Variants in RHOA observed in about 807,000 individuals in gnomAD.
The protein encoded by RHOA is ras homolog family member A.
RHOA carries 3 observed loss-of-function variants against 17.5 expected under a neutral mutation model. The observed-to-expected ratio is 0.17, with a 90% CI of 0.08 to 0.44. The LOEUF is 0.44. Ranked by LOEUF, RHOA falls within the 20% of genes least tolerant of loss-of-function variation. The probability of loss-of-function intolerance (pLI) is 0.99; values close to 1 mark genes in which losing one functional copy is unlikely to be tolerated. For missense variants in RHOA, 56 were observed against 242.3 expected, an observed-to-expected ratio of 0.23 and a Z score of 5.10; for synonymous variants, 98 against 88.4, an observed-to-expected ratio of 1.11 and a Z score of -0.61.
intron 3 of RHOA, among the ~76,000 whole-genome samples, chr3:49,366,230 A>C (rs919986063): frequency 1.3e-5 from 2 of 152,042 alleles, no homozygotes; most frequent in African/African-American, 4.8e-5. Context: ...ACTAGCTCAA[A>C]TTTTCTCTGT....
intron 1 of RHOA, among the ~76,000 whole-genome samples, chr3:49,378,707 G>C (rs148863734): frequency 6.6e-6 from 1 of 151,942 alleles, no homozygotes; most frequent in Non-Finnish European, 1.5e-5. Context: ...CAACTCAAGC[G>C]ATCCTCCCAC....
intron 1 of RHOA, among the ~76,000 whole-genome samples, chr3:49,394,398 T>A (rs554196708): frequency 6.6e-6 from 1 of 152,104 alleles, no homozygotes; most frequent in Non-Finnish European, 1.5e-5. Context: ...TTGCCCAGGC[T>A]GAAGTGCAGT....
chr3:49,370,180 G>A (rs1233937553), intron 2 of RHOA, among the ~76,000 whole-genome samples: 1 of 152,138 alleles, frequency 6.6e-6, no homozygotes, highest in Non-Finnish European at 1.5e-5. Flanking sequence ...CCGGGAGGCG[G>A]AGGTTGCAGT....
intron 1 of RHOA, among the ~76,000 whole-genome samples, chr3:49,386,171 GT>G (rs1437071251): frequency 7.2e-5 from 11 of 152,144 alleles, no homozygotes; most frequent in Non-Finnish European, 1.2e-4. Flanking sequence ...GGGGAGTACT[GT>G]CATCTTTACA....
chr3:49,371,599 T>TAAATGA (rs2048148409), intron 2 of RHOA, among the ~76,000 whole-genome samples: 1 of 152,172 alleles, frequency 6.6e-6, no homozygotes, highest in Non-Finnish European at 1.5e-5. Context: ...TGCATACTGT[T>TAAATGA]AAATGAATAT....
chr3:49,360,462 A>T, intron 4 of RHOA, 80 bp from the exon 5 acceptor site: 3 of 1,445,166 alleles, frequency 2.1e-6, no homozygotes, highest in Non-Finnish European at 2.8e-6. Context: ...AAATTCATCT[A>T]AAAGATTTTT....
chr3:49,411,843 G>A lies in RHOA; in HGVS notation c.-26C>T, dbSNP rs2048944459. The A allele has an allele frequency of 6.6e-6, 1 of 152,170 alleles. No homozygotes were observed. 9.4% of individuals were successfully genotyped at this position (152,170 alleles called of 1,614,324 possible). A position where few individuals can be genotyped will look rare whatever the true frequency, so the allele number is the denominator to read the frequency against. On this transcript the variant is annotated 5_prime_UTR_variant, in exon 1 of 5. Transcript: ENST00000418115. Reference sequence around the variant, plus strand: ...ACCTCAGGCAACGAATCCGAGTCCAGCCTCTTCGCGCCGGGGACGCCGGTC... The same window carrying A: ...ACCTCAGGCAACGAATCCGAGTCCAACCTCTTCGCGCCGGGGACGCCGGTC...
At chr3:49,407,383 G>C (rs2048852027) in intron 1 of RHOA, among the ~76,000 whole-genome samples, 2 of 151,736 alleles carry the variant, frequency 1.3e-5, no homozygotes, top group African/African-American at 4.8e-5. Flanking sequence ...ATAGGCGCCT[G>C]CTGCCACGCC....
intron 1 of RHOA, among the ~76,000 whole-genome samples, chr3:49,386,981 G>C (rs1184970054): frequency 6.6e-6 from 1 of 151,522 alleles, no homozygotes; most frequent in African/African-American, 2.4e-5. Context: ...GCCAGGCATG[G>C]TGGCGGGTGC....
intron 1 of RHOA, among the ~76,000 whole-genome samples, chr3:49,377,534 A>G (rs1451713147): frequency 6.6e-6 from 1 of 151,308 alleles, no homozygotes; most frequent in Non-Finnish European, 1.5e-5. Context: ...TGGAAGCTGC[A>G]GTGAGCTGAG....
chr3:49,405,733 G>A lies in RHOA; in HGVS notation c.-3+6087C>T, dbSNP rs191875527. 3.4e-4 allele frequency among the ~76,000 whole-genome samples: 52 copies of A among 151,944 alleles called. No individual in the cohort carries two copies. The East Asian group carries it at 7.2e-3, about 21-fold the overall frequency. On this transcript the variant is annotated intron_variant, in intron 1 of 4. Coordinates refer to ENST00000418115, the MANE Select transcript of RHOA (RefSeq NM_001664.4). ...GAGACGGAGTTTCGCTCTGTTGCCC[G>A]GGCTGGAGTGCAGCAATCTTGGCTC...
chr3:49,372,448 C>T (rs990171624), intron 2 of RHOA, among the ~76,000 whole-genome samples: 1 of 152,090 alleles, frequency 6.6e-6, no homozygotes, highest in East Asian at 1.9e-4. Flanking sequence ...TAAAAAAGAG[C>T]ACAAACTATA....
chr3:49,380,931 C>T (rs1312597254), intron 1 of RHOA, among the ~76,000 whole-genome samples: 4 of 68,288 alleles, frequency 5.9e-5, no homozygotes, highest in Non-Finnish European at 9.2e-5. Context: ...GCAGTGAATA[C>T]GTGTGTGTGT....
intron 1 of RHOA, among the ~76,000 whole-genome samples, chr3:49,391,003 G>A (rs1223174018): frequency 6.6e-6 from 1 of 151,984 alleles, no homozygotes; most frequent in South Asian, 2.1e-4. Context: ...AGGATCACGA[G>A]GTCAGGAGAT....
intron 1 of RHOA, among the ~76,000 whole-genome samples, chr3:49,380,678 AATAATAAT>A (rs2048301313): frequency 5.9e-4 from 9 of 15,224 alleles, no homozygotes; most frequent in East Asian, 0.5. Context: ...TCTCAAAAAT[AATAATAAT>A]AATAATAATA....
At chr3:49,396,253 A>G (rs922821643) in intron 1 of RHOA, among the ~76,000 whole-genome samples, 1 of 152,134 alleles carries the variant, frequency 6.6e-6, no homozygotes, top group East Asian at 1.9e-4. Flanking sequence ...GGGCACTGAG[A>G]TATGTGGTGG....
At chr3:49,404,607 G>A (rs1223478857) in intron 1 of RHOA, among the ~76,000 whole-genome samples, 2 of 66,736 alleles carry the variant, frequency 3.0e-5, no homozygotes, top group African/African-American at 1.3e-4. Context: ...GCAAGACTCC[G>A]TCTCAAAAAA....
Position 49,359,962 on chromosome 3 carries a change from G to T in RHOA, c.*247C>A. The T allele has an allele frequency of 2.4e-6, 1 of 409,522 alleles. No homozygotes were observed. The highest frequency in any genetic ancestry group is 4.3e-6 in the Non-Finnish European group (1 of 230,224). 25.4% of individuals were successfully genotyped at this position (409,522 alleles called of 1,614,324 possible). Reference sequence around the variant, plus strand: ...AAGTTAAGAAATTCCTTGAATTAGCGCCTGGTGTGTCAGGTGGGAGTGCAG... The same window carrying T: ...AAGTTAAGAAATTCCTTGAATTAGCTCCTGGTGTGTCAGGTGGGAGTGCAG... On this transcript the variant is annotated 3_prime_UTR_variant, in exon 5 of 5. Coordinates refer to ENST00000418115, the MANE Select transcript of RHOA (RefSeq NM_001664.4).
chr3:49,376,645 A>C (rs1390447664), intron 1 of RHOA, among the ~76,000 whole-genome samples: 1 of 127,992 alleles, frequency 7.8e-6, no homozygotes, highest in African/African-American at 3.1e-5. Flanking sequence ...TCCATCTCAC[A>C]AAAAAAAAAA....
Sources: allele counts gnomAD v4.1 joint callset (sites outside exome capture counted in the v4.1 genomes callset), GRCh38; gene constraint gnomAD v4.1.1; transcripts MANE v1.5; gene names NCBI Gene and HGNC (gene_info 2026-07-23, HGNC 2026-07-21).